TRANK1: variants seen among roughly 807,000 people sequenced by gnomAD.
TRANK1 encodes tetratricopeptide repeat and ankyrin repeat containing 1.
TRANK1 carries 198 observed loss-of-function variants against 266.0 expected under a neutral mutation model. That is an observed-to-expected ratio of 0.74 (90% confidence interval 0.66 to 0.84). The LOEUF is 0.84. TRANK1 is among the 40% of genes least tolerant of loss of function. The pLI is 0.00. For missense variants in TRANK1, 3,326 were observed against 3,634.6 expected, an observed-to-expected ratio of 0.92 and a Z score of 2.18; for synonymous variants, 1,396 against 1,384.1, an observed-to-expected ratio of 1.01 and a Z score of -0.19.
chr3:36,914,376 C>T (rs915639174), intron 1 of TRANK1, among the ~76,000 whole-genome samples: 4 of 151,320 alleles, frequency 2.6e-5, no homozygotes, highest in East Asian at 1.9e-4. Context: ...CTCAAGTGAG[C>T]GCTCAGGTGA....
chr3:36,859,928 G>A (rs1245891286), intron 11 of TRANK1, among the ~76,000 whole-genome samples: 2 of 152,176 alleles, frequency 1.3e-5, no homozygotes, highest in South Asian at 2.1e-4. Flanking sequence ...GCTCTGCAAG[G>A]TGTGTGGCAC....
chr3:36,940,373 G>A (rs374646319), intron 1 of TRANK1, among the ~76,000 whole-genome samples: 6 of 151,864 alleles, frequency 4.0e-5, no homozygotes, highest in African/African-American at 1.4e-4. Context: ...GGTGGCAGGC[G>A]CCTGTAGTCC....
At position 36,831,815 on chromosome 3, in the gene TRANK1, G is replaced by A. The variant is rs540848196; in HGVS notation, c.7768C>T (p.Arg2590Trp). 76 of 1,613,926 alleles carry A rather than the reference G, an allele frequency of 4.7e-5. No homozygotes were observed. Among genetic ancestry groups the A allele is most frequent in the Middle Eastern group, 1.6e-4 (1 of 6,062 alleles). ...AGCTGCAGCCTTGACTCAATCTCCC[G>A]GAAGTGGCGATACAGGAGAGGCTTG... is the stretch of plus-strand genomic sequence containing the variant. ...YCKPLLYRHF[R>W]EIESRLQLMS... The change falls in exon 22 of 24, where the codon CGG becomes TGG. Residue 2590 changes from arginine (R) to tryptophan (W), a missense_variant. Transcript: ENST00000645898. The surrounding 1 kb of genome is among the most constrained non-coding windows in gnomAD (Gnocchi z 5.0).
intron 1 of TRANK1, among the ~76,000 whole-genome samples, chr3:36,913,442 T>G (rs1267182372): frequency 1.3e-5 from 2 of 151,720 alleles, no homozygotes; most frequent in Non-Finnish European, 2.9e-5. Context: ...TGCTTTCTTT[T>G]TCTTGCTTTG....
chr3:36,865,572 G>A (rs924552419), intron 9 of TRANK1, among the ~76,000 whole-genome samples: 5 of 152,056 alleles, frequency 3.3e-5, no homozygotes, highest in African/African-American at 9.7e-5. Context: ...AAGTAGTCAT[G>A]ATGAGAAAAC....
At chr3:36,864,575 C>T (rs1348913204) in intron 9 of TRANK1, 95 bp from the exon 10 acceptor site, 1 of 1,223,608 alleles carries the variant, frequency 8.2e-7, no homozygotes, top group Non-Finnish European at 1.1e-6. Context: ...TCCACATACT[C>T]ACATGCTGTG....
At chr3:36,874,371 C>CTCAG in intron 8 of TRANK1, 75 bp from the exon 9 acceptor site, 1 of 1,463,926 alleles carries the variant, frequency 6.8e-7, no homozygotes, top group South Asian at 1.3e-5. Context: ...TGCTCTTCTT[C>CTCAG]TCAGTCTCCT....
chr3:36,918,967 G>T (rs1353997790), intron 1 of TRANK1, among the ~76,000 whole-genome samples: 2 of 152,166 alleles, frequency 1.3e-5, no homozygotes, highest in Non-Finnish European at 2.9e-5. Context: ...AGGCAGGTGG[G>T]TTTGCAGTAT....
chr3:36,913,135 G>A (rs535790070), intron 1 of TRANK1, among the ~76,000 whole-genome samples: 3 of 151,314 alleles, frequency 2.0e-5, no homozygotes, highest in East Asian at 3.9e-4. Flanking sequence ...TCCATCTCTC[G>A]AATTCAAGCC....
At chr3:36,918,522 AGAAAGAAAGAAG>A (rs1393296318) in intron 1 of TRANK1, among the ~76,000 whole-genome samples, 9 of 28,970 alleles carry the variant, frequency 3.1e-4, no homozygotes, top group African/African-American at 1.0e-3. Context: ...AAAGAAAGAA[AGAAAGAAAGAAG>A]GAAGGAAGGA....
chr3:36,893,874 A>T (rs931545823), intron 5 of TRANK1, among the ~76,000 whole-genome samples: 1 of 148,332 alleles, frequency 6.7e-6, no homozygotes, highest in Admixed American at 6.8e-5. Context: ...TTTCTTTCAG[A>T]TTGATACCCA....
chr3:36,870,962 T>TAAAAAAAA (rs563787088), intron 9 of TRANK1, among the ~76,000 whole-genome samples: 29 of 65,078 alleles, frequency 4.5e-4, no homozygotes, highest in Non-Finnish European at 5.6e-4. Context: ...ACAAGGAAAC[T>TAAAAAAAA]AAAAAAAAAA....
rs554364576 is a variant in TRANK1, at chr3:36,860,765, A to G, written c.1495+141T>C. 1.1e-4 allele frequency: 144 copies of G among 1,293,488 alleles called. 1 individual carries two copies. In the Admixed American group the frequency reaches 1.6e-3, roughly 15 times the overall value. 80.1% of individuals were successfully genotyped at this position (1,293,488 alleles called of 1,614,324 possible). A position where few individuals can be genotyped will look rare whatever the true frequency, so the allele number is the denominator to read the frequency against. On this transcript the variant is annotated intron_variant, in intron 11 of 23. Coordinates refer to ENST00000645898, the MANE Select transcript of TRANK1 (RefSeq NM_001329998.2). ...GGGCAGTAACCTCCATCACTGTTTCAAAACAAGAATATACAGGGTAGGCAA... is the reference window on the plus strand; with the variant it reads ...GGGCAGTAACCTCCATCACTGTTTCGAAACAAGAATATACAGGGTAGGCAA...
rs1483363374 is a variant in TRANK1, at chr3:36,831,277, C to T, written c.8306G>A (p.Cys2769Tyr). The T allele has an allele frequency of 6.2e-7, 1 of 1,613,400 alleles. No individual in the cohort carries two copies. Reference protein sequence around the residue: ...FKKADVDRTQCDLCGVKFTRG... With the variant: ...FKKADVDRTQYDLCGVKFTRG... ...GGTAAACTTCACTCCACATAGGTCA[C>T]ACTGGGTCCTGTCCACGTCTGCCTT... The change falls in exon 22 of 24, where the codon TGT becomes TAT. Residue 2769 changes from cysteine to tyrosine, a missense_variant. Cys to Tyr is a radical substitution (Grantham distance 194). Coordinates refer to ENST00000645898, the MANE Select transcript of TRANK1 (RefSeq NM_001329998.2). The surrounding 1 kb of genome is among the most constrained non-coding windows in gnomAD (Gnocchi z 5.0).
chr3:36,876,716 G>A (rs749013141), intron 8 of TRANK1, among the ~76,000 whole-genome samples: 5 of 152,146 alleles, frequency 3.3e-5, no homozygotes, highest in Non-Finnish European at 7.3e-5. Context: ...TTCACACAAC[G>A]GAGTAAAAGG....
chr3:36,899,343 G>T, intron 3 of TRANK1, 84 bp from the exon 4 acceptor site: 1 of 1,435,318 alleles, frequency 7.0e-7, no homozygotes, highest in South Asian at 1.4e-5. Context: ...TTGGCAACAT[G>T]GGAAATCCAA....
rs1179623410 is a variant in TRANK1 at position 36,944,997 on chromosome 3, G to C, written c.-188C>G. The C allele has an allele frequency of 1.2e-5, 6 of 502,410 alleles. No homozygotes were observed. Among genetic ancestry groups the C allele is most frequent in the African/African-American group, 8.1e-5 (4 of 49,126 alleles). The allele number at this position is 502,410 out of a possible 1,614,324, so 31.1% of individuals were successfully genotyped here. On this transcript the variant is annotated 5_prime_UTR_variant, in exon 1 of 24. Transcript: ENST00000645898. ...CTCGGCTACCCAGCCGCGATCAGAGGGGGCGGGGGACGCAGGAACCCCGGC... is the reference window on the plus strand; with the variant it reads ...CTCGGCTACCCAGCCGCGATCAGAGCGGGCGGGGGACGCAGGAACCCCGGC...
rs1177490101 is a variant in TRANK1 at position 36,879,936 on chromosome 3, A to T, written c.908-5640T>A. 6.2e-4 allele frequency among the ~76,000 whole-genome samples: 12 copies of T among 19,462 alleles called. 2 individuals are homozygous for T. Among genetic ancestry groups the T allele is most frequent in the African/African-American group, 2.0e-3 (7 of 3,492 alleles). 12.8% of individuals were successfully genotyped at this position (19,462 alleles called of 152,430 possible). A position where few individuals can be genotyped will look rare whatever the true frequency, so the allele number is the denominator to read the frequency against. ...CAAATATATGTAAACATGCAAATAT[A>T]TGTAAACATGCAAATATATGTAAAC... On this transcript the variant is annotated intron_variant, in intron 8 of 23. Transcript: ENST00000645898.
chr3:36,866,609 T>C (rs1299118336), intron 9 of TRANK1, among the ~76,000 whole-genome samples: 1 of 152,202 alleles, frequency 6.6e-6, no homozygotes, highest in Admixed American at 6.5e-5. Flanking sequence ...GCAAAGGAAA[T>C]GAGCTTTCAT....
Sources: allele counts gnomAD v4.1 joint callset (sites outside exome capture counted in the v4.1 genomes callset), GRCh38; gene constraint gnomAD v4.1.1; non-coding constraint Gnocchi (gnomAD v3.1); transcripts MANE v1.5; gene names NCBI Gene and HGNC (gene_info 2026-07-23, HGNC 2026-07-21).